The following CCDC148 variants were observed in gnomAD, a reference collection of about 807,000 sequenced individuals.
CCDC148 encodes the protein coiled-coil domain containing 148.
In CCDC148, 89 loss-of-function variants were observed where a neutral mutation model predicts 85.7. The ratio of observed to expected loss-of-function variants is 1.04; its 90% CI spans 0.87 to 1.24. The LOEUF (loss-of-function observed/expected upper bound fraction) is 1.24. CCDC148 is among the 50% of genes most tolerant of loss of function. The pLI, the probability that CCDC148 is intolerant of heterozygous loss-of-function variation, is 0.00. For missense variants in CCDC148, 692 were observed against 671.7 expected (o/e 1.03, Z -0.33); for synonymous variants, 230 against 213.9 (o/e 1.08, Z -0.66).
chr2:158,273,331 G>T (rs552571735), intron 9 of CCDC148, among the ~76,000 whole-genome samples: 1 of 152,180 alleles, frequency 6.6e-6, no homozygotes, highest in East Asian at 1.9e-4. Context: ...TACCCCCAAT[G>T]TCCCGAGATT....
rs1392672377 is a variant in CCDC148, at chr2:158,287,125, C to T, written c.1110+22308G>A. 1.3e-5 allele frequency among the ~76,000 whole-genome samples: 2 copies of T among 152,076 alleles called. 1 individual carries two copies. Among genetic ancestry groups the T allele is most frequent in the East Asian group, 3.9e-4 (2 of 5,168 alleles). ...GTCAGATCTTGTGAGACTTATTCAC[C>T]ATCACGAGAATAGCACAGGAAAGAC... On this transcript the variant is annotated intron_variant, in intron 9 of 13. Transcript: ENST00000283233.
chr2:158,413,195 C>T (rs1192232922), intron 1 of CCDC148, among the ~76,000 whole-genome samples: 7 of 151,960 alleles, frequency 4.6e-5, no homozygotes, highest in Non-Finnish European at 1.0e-4. Context: ...GCATAAAAAG[C>T]AAAATGTTAA....
At chr2:158,293,261 T>C (rs904530585) in intron 9 of CCDC148, among the ~76,000 whole-genome samples, 1 of 152,100 alleles carries the variant, frequency 6.6e-6, no homozygotes, top group Admixed American at 6.5e-5. Flanking sequence ...ATGGCATTAG[T>C]GTAAAGAGCA....
chr2:158,331,470 G>A (rs997085537), intron 7 of CCDC148, among the ~76,000 whole-genome samples: 1 of 152,182 alleles, frequency 6.6e-6, no homozygotes, highest in African/African-American at 2.4e-5. Context: ...GTGCTGAGAA[G>A]AATGTATATT....
In CCDC148 at chr2:158,173,716, A is replaced by C. The variant is rs182547507; in HGVS notation, c.1630-1457T>G. ...TACAGAGATTTGTGTCTGAGAAGCAATAAATATGAGCCTAAGACCCAGGTT... is the reference window on the plus strand; with the variant it reads ...TACAGAGATTTGTGTCTGAGAAGCACTAAATATGAGCCTAAGACCCAGGTT... On this transcript the variant is annotated intron_variant, in intron 13 of 13. Coordinates refer to ENST00000283233, the MANE Select transcript of CCDC148 (RefSeq NM_138803.4). Among the ~76,000 whole-genome samples the C allele has an allele frequency of 2.8e-4, 43 of 152,106 alleles. No individual in the cohort carries two copies. The East Asian group carries it at 8.0e-3, about 28-fold the overall frequency.
chr2:158,244,557 G>C (rs1307551612), intron 10 of CCDC148, among the ~76,000 whole-genome samples: 2 of 152,088 alleles, frequency 1.3e-5, no homozygotes, highest in African/African-American at 4.8e-5. Context: ...TCTCCTTGAG[G>C]CCACCACATT....
intron 11 of CCDC148, among the ~76,000 whole-genome samples, chr2:158,180,678 G>C (rs750731851): frequency 4.9e-4 from 75 of 152,218 alleles, no homozygotes; most frequent in Admixed American, 2.1e-3. Flanking sequence ...GGCAAGTACT[G>C]GTGGCTGAGG....
chr2:158,310,498 G>C (rs1280696581), intron 8 of CCDC148, among the ~76,000 whole-genome samples: 1 of 150,646 alleles, frequency 6.6e-6, no homozygotes, highest in African/African-American at 2.4e-5. Flanking sequence ...AGACGTGACG[G>C]CTGGGCAGAG....
chr2:158,455,051 T>C (rs1688554783), intron 1 of CCDC148, among the ~76,000 whole-genome samples: 1 of 152,226 alleles, frequency 6.6e-6, no homozygotes, highest in Non-Finnish European at 1.5e-5. Flanking sequence ...CCATTTTTTC[T>C]TTCCATTAGA....
intron 1 of CCDC148, among the ~76,000 whole-genome samples, chr2:158,415,067 C>G (rs556347383): frequency 6.6e-6 from 1 of 151,660 alleles, no homozygotes; most frequent in Non-Finnish European, 1.5e-5. Context: ...AGTTTGGGGC[C>G]ATAATTTAAG....
At chr2:158,215,797 C>T (rs1166825395) in intron 11 of CCDC148, among the ~76,000 whole-genome samples, 2 of 151,964 alleles carry the variant, frequency 1.3e-5, no homozygotes, top group African/African-American at 2.4e-5. Flanking sequence ...TGTTGAGGGC[C>T]TAACCCGCAA....
At chr2:158,250,935 A>T (rs1298069989) in intron 9 of CCDC148, 23 bp from the exon 10 acceptor site, 4 of 1,588,806 alleles carry the variant, frequency 2.5e-6, no homozygotes, top group Non-Finnish European at 3.4e-6. Flanking sequence ...GAAAAACTTC[A>T]TTCCAGTAAC....
intron 7 of CCDC148, among the ~76,000 whole-genome samples, chr2:158,330,579 A>C (rs968062760): frequency 6.6e-6 from 1 of 152,160 alleles, no homozygotes; most frequent in African/African-American, 2.4e-5. Flanking sequence ...GTTCAGAAGG[A>C]ATGGTACCAG....
chr2:158,299,281 C>T (rs1490204536), intron 9 of CCDC148, among the ~76,000 whole-genome samples: 1 of 152,210 alleles, frequency 6.6e-6, no homozygotes, highest in Non-Finnish European at 1.5e-5. Flanking sequence ...TGGTTGTTCT[C>T]TGTTTGTCTT....
At chr2:158,282,623 T>A (rs1367346350) in intron 9 of CCDC148, among the ~76,000 whole-genome samples, 2 of 152,168 alleles carry the variant, frequency 1.3e-5, no homozygotes, top group Middle Eastern at 3.4e-3. Flanking sequence ...TCAATGAAAT[T>A]AAAGAGGATA....
chr2:158,220,005 A>T (rs1404393876), intron 11 of CCDC148, among the ~76,000 whole-genome samples: 2 of 152,112 alleles, frequency 1.3e-5, no homozygotes. Flanking sequence ...CTCCTAATTG[A>T]CCCTAACTGA....
At chr2:158,259,060 C>T (rs1284696868) in intron 9 of CCDC148, among the ~76,000 whole-genome samples, 1 of 151,764 alleles carries the variant, frequency 6.6e-6, no homozygotes, top group Non-Finnish European at 1.5e-5. Flanking sequence ...CACATGCCTT[C>T]CAGCTATGTA....
At chr2:158,383,989 T>C (rs749126827) in intron 1 of CCDC148, among the ~76,000 whole-genome samples, 5 of 152,222 alleles carry the variant, frequency 3.3e-5, no homozygotes, top group Non-Finnish European at 7.3e-5. Flanking sequence ...TTGACACTTT[T>C]GAAGATTACA....
intron 11 of CCDC148, among the ~76,000 whole-genome samples, chr2:158,186,357 C>T (rs922235862): frequency 9.2e-5 from 14 of 152,004 alleles, no homozygotes; most frequent in African/African-American, 4.8e-5. Context: ...TGAGGATTCC[C>T]GTTATATGCC....
Sources: gnomAD v4.1 joint callset for allele counts (sites outside exome capture counted in the v4.1 genomes callset) on GRCh38, gnomAD v4.1.1 for gene constraint, MANE v1.5 for transcripts, NCBI Gene and HGNC (gene_info 2026-07-23, HGNC 2026-07-21) for gene names.